The following ARK2C variants were observed in gnomAD, a reference collection of about 807,000 sequenced individuals.
The protein encoded by ARK2C is E3 ubiquitin-protein ligase ARK2C.
At chr18:46,448,466 T>C in the ARK2C span, among the ~76,000 whole-genome samples, 1 of 152,196 alleles carries the variant, frequency 6.6e-6, no homozygotes, top group Non-Finnish European at 1.5e-5. Flanking sequence ...GGGTGTGGTC[T>C]GTGGGTAAAG....
the ARK2C span, among the ~76,000 whole-genome samples, chr18:46,420,071 T>A: frequency 6.6e-6 from 1 of 152,238 alleles, no homozygotes; most frequent in African/African-American, 2.4e-5. Context: ...CAAGCAGATA[T>A]CCACTCACTG....
the ARK2C span, among the ~76,000 whole-genome samples, chr18:46,402,533 G>A: frequency 4.0e-5 from 6 of 150,538 alleles, no homozygotes; most frequent in Admixed American, 1.3e-4. Flanking sequence ...TTTTCTTTTC[G>A]AGAGAATCTC....
the ARK2C span, among the ~76,000 whole-genome samples, chr18:46,413,914 G>A: frequency 6.6e-6 from 1 of 152,128 alleles, no homozygotes; most frequent in African/African-American, 2.4e-5. Flanking sequence ...TCATCTGCAT[G>A]TTTACTTTTC....
At chr18:46,456,499 C>T in the ARK2C span, 1 of 1,578,216 alleles carries the variant, frequency 6.3e-7, no homozygotes, top group Admixed American at 1.7e-5. Context: ...GGGCCTCTGA[C>T]TCTCCCTCCT....
the ARK2C span, among the ~76,000 whole-genome samples, chr18:46,440,168 C>A: frequency 6.6e-6 from 1 of 152,262 alleles, no homozygotes; most frequent in African/African-American, 2.4e-5. Context: ...CTCGCTTCCC[C>A]GGTCCTGATA....
chr18:46,347,500 C>T, the ARK2C span, among the ~76,000 whole-genome samples: 18 of 152,190 alleles, frequency 1.2e-4, no homozygotes, highest in South Asian at 6.2e-4. Flanking sequence ...CTGGGGGCTT[C>T]GTGTCCTCCC....
the ARK2C span, chr18:46,336,776 A>C: frequency 2.0e-6 from 2 of 985,424 alleles, no homozygotes; most frequent in South Asian, 4.7e-5. Flanking sequence ...AGGCTGCAGC[A>C]CTTCATTTTT....
the ARK2C span, among the ~76,000 whole-genome samples, chr18:46,447,249 AT>A: frequency 1.3e-5 from 2 of 151,914 alleles, no homozygotes; most frequent in Non-Finnish European, 2.9e-5. Context: ...GGCTTGCTCG[AT>A]TTAGATTCTT....
At chr18:46,428,191 AC>A in the ARK2C span, among the ~76,000 whole-genome samples, 2 of 152,118 alleles carry the variant, frequency 1.3e-5, no homozygotes, top group African/African-American at 4.8e-5. Flanking sequence ...CTGGCGGACC[AC>A]GAGGTCAGGA....
the ARK2C span, among the ~76,000 whole-genome samples, chr18:46,399,340 A>G: frequency 6.6e-6 from 1 of 152,140 alleles, no homozygotes; most frequent in South Asian, 2.1e-4. Context: ...GCGGGCATCA[A>G]AGGATGCTGG....
chr18:46,434,146 T>C, the ARK2C span, among the ~76,000 whole-genome samples: 1 of 152,162 alleles, frequency 6.6e-6, no homozygotes, highest in Non-Finnish European at 1.5e-5. Flanking sequence ...TCACTGTGCC[T>C]CTCTGAGCCT....
the ARK2C span, among the ~76,000 whole-genome samples, chr18:46,419,654 G>A: frequency 1.3e-5 from 2 of 152,214 alleles, no homozygotes; most frequent in Admixed American, 6.5e-5. Flanking sequence ...GCTGGACCAG[G>A]CCTACCTGGG....
the ARK2C span, chr18:46,337,462 C>A: frequency 1.0e-6 from 1 of 985,284 alleles, no homozygotes; most frequent in Non-Finnish European, 1.2e-6. Flanking sequence ...TGTTACCCTG[C>A]TGAAACGTAC....
the ARK2C span, among the ~76,000 whole-genome samples, chr18:46,369,940 C>A: frequency 1.3e-5 from 2 of 152,132 alleles, no homozygotes; most frequent in Non-Finnish European, 2.9e-5. Flanking sequence ...GCCCTCCACA[C>A]ACACACACGC....
the ARK2C span, among the ~76,000 whole-genome samples, chr18:46,406,480 T>C: frequency 6.6e-6 from 1 of 152,208 alleles, no homozygotes; most frequent in Non-Finnish European, 1.5e-5. Context: ...AGGATGTCCT[T>C]GGAGTGGAAC....
the ARK2C span, among the ~76,000 whole-genome samples, chr18:46,441,594 T>C: frequency 6.6e-6 from 1 of 152,116 alleles, no homozygotes; most frequent in East Asian, 1.9e-4. Flanking sequence ...CTTTAGAAAA[T>C]AGCCTTTGAT....
At chr18:46,454,981 A>G in the ARK2C span, among the ~76,000 whole-genome samples, 6 of 152,256 alleles carry the variant, frequency 3.9e-5, no homozygotes, top group Non-Finnish European at 8.8e-5. Flanking sequence ...GAGACTTTAC[A>G]TAATGGTAAA....
the ARK2C span, among the ~76,000 whole-genome samples, chr18:46,344,006 T>G: frequency 5.3e-5 from 8 of 152,316 alleles, no homozygotes; most frequent in East Asian, 1.4e-3. Context: ...CTGCTGTCCT[T>G]TCCTTGAAAC....
chr18:46,387,847 C>G, the ARK2C span, among the ~76,000 whole-genome samples: 3 of 152,234 alleles, frequency 2.0e-5, no homozygotes, highest in Admixed American at 6.5e-5. Context: ...TATTTAGTTA[C>G]AGGGACAGCC....
Sources: allele counts gnomAD v4.1 joint callset (sites outside exome capture counted in the v4.1 genomes callset), GRCh38; gene constraint gnomAD v4.1.1; transcripts MANE v1.5; gene names NCBI Gene and HGNC (gene_info 2026-07-23, HGNC 2026-07-21).